MEGF10: variants seen among roughly 807,000 people sequenced by gnomAD.
MEGF10 encodes multiple EGF like domains 10.
A neutral mutation model predicts 147.5 loss-of-function variants in MEGF10; 86 were observed. That is an observed-to-expected ratio of 0.58 (90% CI 0.49 to 0.70). MEGF10 has a LOEUF of 0.70. Ranked by LOEUF, MEGF10 falls within the 30% of genes least tolerant of loss-of-function variation. The probability of loss-of-function intolerance (pLI) is 0.00; values close to 1 mark genes in which losing one functional copy is unlikely to be tolerated. For missense variants in MEGF10, 1,329 were observed against 1,487.3 expected, an observed-to-expected ratio of 0.89 and a Z score of 1.75; for synonymous variants, 478 against 525.5, an observed-to-expected ratio of 0.91 and a Z score of 1.24.
At chr5:127,263,045 A>T in the MEGF10 span, among the ~76,000 whole-genome samples, 3 of 152,220 alleles carry the variant, frequency 2.0e-5, no homozygotes, top group Non-Finnish European at 2.9e-5. Flanking sequence ...TCTCTAAGAA[A>T]TACATGCATA....
intron 1 of MEGF10, among the ~76,000 whole-genome samples, chr5:127,330,700 T>C (rs748923692): frequency 2.0e-5 from 3 of 152,216 alleles, no homozygotes; most frequent in South Asian, 2.1e-4. Flanking sequence ...AAGAAACTTA[T>C]GTCATGATTA....
At chr5:127,241,539 T>C in the MEGF10 span, among the ~76,000 whole-genome samples, 2 of 151,846 alleles carry the variant, frequency 1.3e-5, no homozygotes, top group African/African-American at 4.8e-5. Flanking sequence ...GATTTTTTGG[T>C]GGGGGGCTTA....
intron 15 of MEGF10, among the ~76,000 whole-genome samples, chr5:127,435,148 G>T (rs1211495813): frequency 6.6e-6 from 1 of 152,186 alleles, no homozygotes; most frequent in Non-Finnish European, 1.5e-5. Flanking sequence ...GAAGTGCAAT[G>T]ATGTCCCCTG....
chr5:127,383,282 G>A (rs1046792256), intron 5 of MEGF10, among the ~76,000 whole-genome samples: 25 of 152,120 alleles, frequency 1.6e-4, no homozygotes, highest in African/African-American at 2.4e-4. Context: ...AATGAACTCC[G>A]TTACTATAAA....
chr5:127,297,811 T>C (rs569640929), intron 1 of MEGF10, among the ~76,000 whole-genome samples: 1 of 152,304 alleles, frequency 6.6e-6, no homozygotes, highest in East Asian at 1.9e-4. Flanking sequence ...GGGGGACCTA[T>C]TGAGATTCAA....
chr5:127,425,757 G>T (rs965274709), intron 13 of MEGF10, among the ~76,000 whole-genome samples: 1 of 152,032 alleles, frequency 6.6e-6, no homozygotes, highest in Non-Finnish European at 1.5e-5. Context: ...CTTTTTGAAC[G>T]TAAAGAAGGT....
intron 1 of MEGF10, among the ~76,000 whole-genome samples, chr5:127,306,147 G>C (rs939652213): frequency 9.2e-5 from 14 of 152,166 alleles, no homozygotes; most frequent in African/African-American, 3.4e-4. Context: ...TCTTGGCCAG[G>C]TTGTGCTATT....
chr5:127,245,428 C>T, the MEGF10 span, among the ~76,000 whole-genome samples: 2 of 152,130 alleles, frequency 1.3e-5, no homozygotes, highest in African/African-American at 4.8e-5. Context: ...AAACTAGACC[C>T]CTTCCTTACA....
the MEGF10 span, among the ~76,000 whole-genome samples, chr5:127,248,384 A>T: frequency 6.6e-6 from 1 of 152,126 alleles, no homozygotes; most frequent in African/African-American, 2.4e-5. Flanking sequence ...ACAAAGATTT[A>T]AAAAAATACA....
At chr5:127,297,641 G>A (rs528717034) in intron 1 of MEGF10, among the ~76,000 whole-genome samples, 7 of 152,270 alleles carry the variant, frequency 4.6e-5, no homozygotes, top group Admixed American at 2.0e-4. Flanking sequence ...GCATCTTCAA[G>A]CAATAGTGAT....
At chr5:127,327,855 T>TAGGC (rs939677588) in intron 1 of MEGF10, among the ~76,000 whole-genome samples, 19 of 151,914 alleles carry the variant, frequency 1.3e-4, no homozygotes, top group Non-Finnish European at 2.2e-4. Flanking sequence ...GCTGGGATTA[T>TAGGC]AGGCACCTGC....
chr5:127,309,862 C>G (rs2126732766), intron 1 of MEGF10, among the ~76,000 whole-genome samples: 1 of 152,114 alleles, frequency 6.6e-6, no homozygotes, highest in Non-Finnish European at 1.5e-5. Context: ...GAGGAATCAC[C>G]ATACTGTTTT....
chr5:127,253,618 C>G, the MEGF10 span, among the ~76,000 whole-genome samples: 1 of 151,982 alleles, frequency 6.6e-6, no homozygotes, highest in East Asian at 1.9e-4. Flanking sequence ...GGTCAGGTGT[C>G]AAGTTACAAG....
intron 19 of MEGF10, 63 bp downstream of exon 19, chr5:127,443,189 T>C: frequency 6.8e-7 from 1 of 1,471,524 alleles, no homozygotes. Flanking sequence ...TACCAGGCAA[T>C]GTGAAGTATT....
At chr5:127,312,866 G>GGTAAATT (rs1266223510) in intron 1 of MEGF10, among the ~76,000 whole-genome samples, 2 of 151,936 alleles carry the variant, frequency 1.3e-5, no homozygotes, top group African/African-American at 4.8e-5. Flanking sequence ...CTGAAACCAT[G>GGTAAATT]GTAAATTACC....
chr5:127,348,644 A>G (rs1761982225), intron 4 of MEGF10, among the ~76,000 whole-genome samples: 1 of 152,296 alleles, frequency 6.6e-6, no homozygotes, highest in Non-Finnish European at 1.5e-5. Flanking sequence ...TATTTGATTT[A>G]CTATAGTTAT....
rs144355777 is a variant in MEGF10 at position 127,380,124 on chromosome 5, G to A, written c.412+10122G>A. Among the ~76,000 whole-genome samples the A allele has an allele frequency of 2.4e-3, 361 of 151,330 alleles. 1 individual carries two copies. Among genetic ancestry groups the A allele is most frequent in the African/African-American group, 8.2e-3 (335 of 41,072 alleles). On this transcript the variant is annotated intron_variant, in intron 5 of 24. Transcript: ENST00000503335. The stretch of plus-strand genomic sequence containing the variant: ...AGGATGTAAGCCCCATGAAAACATG[G>A]GTTTTTGTCTGTTTTATCCCTGCTG...
intron 4 of MEGF10, among the ~76,000 whole-genome samples, chr5:127,362,652 C>T (rs1762520353): frequency 1.3e-5 from 2 of 152,136 alleles, no homozygotes; most frequent in Non-Finnish European, 2.9e-5. Flanking sequence ...GCGTGACCCA[C>T]CGCACCCGGC....
intron 12 of MEGF10, among the ~76,000 whole-genome samples, chr5:127,422,054 CTATAATTT>C (rs1765031834): frequency 6.8e-6 from 1 of 146,786 alleles, no homozygotes; most frequent in Non-Finnish European, 1.5e-5. Flanking sequence ...AGTTTTAAAA[CTATAATTT>C]TATAATTTAA....
Sources: gnomAD v4.1 joint callset for allele counts (sites outside exome capture counted in the v4.1 genomes callset) on GRCh38, gnomAD v4.1.1 for gene constraint, MANE v1.5 for transcripts, NCBI Gene and HGNC (gene_info 2026-07-23, HGNC 2026-07-21) for gene names.